The following DCAF11 variants were observed in gnomAD, a reference collection of about 807,000 sequenced individuals.
DCAF11 encodes DDB1- and CUL4-associated factor 11.
DCAF11 carries 44 observed loss-of-function variants against 76.1 expected under a neutral mutation model. The observed-to-expected ratio is 0.58, with a 90% CI of 0.45 to 0.74. The LOEUF (loss-of-function observed/expected upper bound fraction) is 0.74. Among genes scored for constraint, DCAF11 ranks in the 30% least tolerant of loss-of-function variants. The pLI, the probability that DCAF11 is intolerant of heterozygous loss-of-function variation, is 0.00. For missense variants in DCAF11, 604 were observed against 709.4 expected (o/e 0.85, Z 1.69); for synonymous variants, 258 against 255.0 (o/e 1.01, Z -0.11).
Position 24,117,526 on chromosome 14 carries a change from C to A in DCAF11, c.411+133C>A. The A allele has an allele frequency of 6.5e-7, 1 of 1,527,094 alleles. No homozygotes were observed. Among genetic ancestry groups the A allele is most frequent in the Admixed American group, 2.0e-5 (1 of 50,608 alleles). The allele number at this position is 1,527,094 out of a possible 1,614,324, so 94.6% of individuals were successfully genotyped here. On this transcript the variant is annotated intron_variant, in intron 4 of 14. Transcript: ENST00000446197. This position sits in a 1 kb window ranked among gnomAD's most constrained non-coding sequence, Gnocchi z 4.3. ...CGCTGGGGCTGGAGAGTTAACCAGC[C>A]TCCATCGGAGTTCTGTGGGACAGAC...
At position 24,119,678 on chromosome 14, in the gene DCAF11, G is replaced by T. The variant is rs112450292; in HGVS notation, c.907-33G>T. ...TTTGGCTTTTTATAAGACCTAGAAAGAGGTCTTATATCCTGGCCTCCTTTT... is the reference window on the plus strand; with the variant it reads ...TTTGGCTTTTTATAAGACCTAGAAATAGGTCTTATATCCTGGCCTCCTTTT... On this transcript the variant is annotated intron_variant, in intron 10 of 14. Coordinates refer to ENST00000446197, the MANE Select transcript of DCAF11 (RefSeq NM_025230.5). 12 of 1,614,126 alleles carry T rather than the reference G, an allele frequency of 7.4e-6. No homozygotes were observed. In the African/African-American group the frequency reaches 1.6e-4, roughly 22 times the overall value.
Position 24,115,735 on chromosome 14 carries a change from C to T in DCAF11, c.141C>T (p.Ala47=), listed in dbSNP as rs1594331941. 3.7e-6 allele frequency: 6 copies of T among 1,613,080 alleles called. No individual in the cohort carries two copies. In the East Asian group the frequency reaches 1.3e-4, roughly 36 times the overall value. ...ATGTGGATCTGGCCCAGGTACTGGCCTATCTCCTCCGCAGGTAACTTACCC... is the reference window on the plus strand; with the variant it reads ...ATGTGGATCTGGCCCAGGTACTGGCTTATCTCCTCCGCAGGTAACTTACCC... ...DEDVDLAQVL[A]YLLRRGQVRL... The change falls in exon 2 of 15, where the codon GCC becomes GCT. Residue 47 remains alanine, a synonymous_variant. Coordinates refer to ENST00000446197, the MANE Select transcript of DCAF11 (RefSeq NM_025230.5).
At chr14:24,116,855 C>T (rs1464554555) in intron 2 of DCAF11, 62 bp from the exon 3 acceptor site, 4 of 1,610,130 alleles carry the variant, frequency 2.5e-6, no homozygotes, top group East Asian at 2.2e-5. Context: ...TAGCCATTGA[C>T]TCTGAATTTG....
Position 24,114,873 on chromosome 14 carries a change from C to G in DCAF11, c.-634C>G, listed in dbSNP as rs923182996. ...GGTTGGCCAACGCAGTGGCGGCAGT[C>G]GGTGTAAACAAGGCCTCGCGCCGCT... On this transcript the variant is annotated 5_prime_UTR_variant, in exon 1 of 15. Transcript: ENST00000446197. The G allele has an allele frequency of 2.6e-5, 26 of 985,814 alleles. No homozygotes were observed. The African/African-American group carries it at 4.5e-4, about 17-fold the overall frequency. 61.1% of individuals were successfully genotyped at this position (985,814 alleles called of 1,614,324 possible). A position where few individuals can be genotyped will look rare whatever the true frequency, so the allele number is the denominator to read the frequency against.
At chr14:24,120,430 G>T (rs759649126) in intron 11 of DCAF11, among the ~76,000 whole-genome samples, 1 of 151,938 alleles carries the variant, frequency 6.6e-6, no homozygotes, top group African/African-American at 2.4e-5. Context: ...GGTGGCAGTC[G>T]CCTGTAGTCC....
chr14:24,118,656 G>C (rs1331899086), intron 7 of DCAF11, 94 bp from the exon 8 acceptor site: 1 of 1,596,576 alleles, frequency 6.3e-7, no homozygotes, highest in East Asian at 2.2e-5. Context: ...AAGTGCTCCA[G>C]TACCCTTGTC....
Position 24,117,803 on chromosome 14 carries a change from G to A in DCAF11, c.476+71G>A. 1 of 1,477,496 alleles carries A rather than the reference G, an allele frequency of 6.8e-7. No homozygotes were observed. Among genetic ancestry groups the A allele is most frequent in the Non-Finnish European group, 9.3e-7 (1 of 1,072,572 alleles). The allele number at this position is 1,477,496 out of a possible 1,614,324, so 91.5% of individuals were successfully genotyped here. ...TTATCTCCTAAACTTTGAAGGGGTA[G>A]GTGTTAAAGGAGCCTCAGAGATATT... On this transcript the variant is annotated intron_variant, in intron 5 of 14. Transcript: ENST00000446197. The surrounding 1 kb of genome is among the most constrained non-coding windows in gnomAD (Gnocchi z 4.3).
chr14:24,119,704 C>T lies in DCAF11; in HGVS notation c.907-7C>T, dbSNP rs745958294. ...AGGTCTTATATCCTGGCCTCCTTTTCGCCTAGATTGAGTCCCATGAGGATG... is the reference window on the plus strand; with the variant it reads ...AGGTCTTATATCCTGGCCTCCTTTTTGCCTAGATTGAGTCCCATGAGGATG... On this transcript the variant is annotated splice_polypyrimidine_tract_variant and splice_region_variant and intron_variant, in intron 10 of 14. Coordinates refer to ENST00000446197, the MANE Select transcript of DCAF11 (RefSeq NM_025230.5). The T allele has an allele frequency of 6.2e-6, 10 of 1,614,032 alleles. No homozygotes were observed. The highest frequency in any genetic ancestry group is 5.5e-5 in the South Asian group (5 of 91,084).
chr14:24,115,570 G>A lies in DCAF11; in HGVS notation c.-25G>A. On this transcript the variant is annotated 5_prime_UTR_variant, in exon 2 of 15. Transcript: ENST00000446197. ...GGTGACAGGAGGAGCCCCCGCACAG[G>A]ACCTAAGAATGCTGTGACCAGAAGA... 1 of 1,601,572 alleles carries A rather than the reference G, an allele frequency of 6.2e-7. No homozygotes were observed. Among genetic ancestry groups the A allele is most frequent in the Non-Finnish European group, 8.5e-7 (1 of 1,173,694 alleles).
chr14:24,118,219 G>A, intron 6 of DCAF11, 64 bp downstream of exon 6: 1 of 1,570,930 alleles, frequency 6.4e-7, no homozygotes, highest in South Asian at 1.1e-5. Flanking sequence ...CCTGACTGAG[G>A]CTAGAAAGCC....
chr14:24,121,374 A>G lies in DCAF11; in HGVS notation c.1256A>G (p.Lys419Arg). The change falls in exon 13 of 15, where the codon AAG becomes AGG. Residue 419 changes from lysine (K) to arginine (R), a missense_variant. Lys to Arg is a conservative substitution (Grantham distance 26). Transcript: ENST00000446197. ...CTGCATCCCTACCCAGCCTGGCGGA[A>G]GCTGAAGCTCCCAGGGGACAGCTCC... ...WQQVPKKAWR[K>R]LKLPGDSSLM... 6.2e-7 allele frequency: 1 copy of G among 1,614,178 alleles called. No homozygotes were observed. Among genetic ancestry groups the G allele is most frequent in the South Asian group, 1.1e-5 (1 of 91,088 alleles).
In DCAF11 at chr14:24,118,143, T is replaced by C; in HGVS notation, c.565T>C (p.Ser189Pro). The change falls in exon 6 of 15, where the codon TCT (serine) becomes CCT (proline). Residue 189 changes from serine to proline, a missense_variant. Coordinates refer to ENST00000446197, the MANE Select transcript of DCAF11 (RefSeq NM_025230.5). ...IYSKDGQIFM[S>P]ACQDQTIRLY... is the part of the protein sequence containing the mutation. ...CAGCAAAGATGGTCAAATATTCATG[T>C]CTGCTTGCCAAGGTACCAGACCCTG... 1 of 1,612,758 alleles carries C rather than the reference T, an allele frequency of 6.2e-7. No individual in the cohort carries two copies. The highest frequency in any genetic ancestry group is 8.5e-7 in the Non-Finnish European group (1 of 1,179,392).
chr14:24,120,226 A>C (rs986089050), intron 11 of DCAF11, among the ~76,000 whole-genome samples: 2 of 151,890 alleles, frequency 1.3e-5, no homozygotes, highest in African/African-American at 4.8e-5. Context: ...AAACCTAGCG[A>C]GACCTCATCT....
In DCAF11 at chr14:24,117,405, C is replaced by T. The variant is rs745350111; in HGVS notation, c.411+12C>T. 58 of 1,613,768 alleles carry T rather than the reference C, an allele frequency of 3.6e-5. No individual in the cohort carries two copies. The highest frequency in any genetic ancestry group is 4.6e-5 in the Non-Finnish European group (54 of 1,179,798). On this transcript the variant is annotated intron_variant, in intron 4 of 14. Coordinates refer to ENST00000446197, the MANE Select transcript of DCAF11 (RefSeq NM_025230.5). This position sits in a 1 kb window ranked among gnomAD's most constrained non-coding sequence, Gnocchi z 4.3. ...GAATGTTGCACCAGGTAGGCCTCTC[C>T]ACCTCCCAGCCTGGCAGCAGGCCTG...
chr14:24,117,944 C>A lies in DCAF11; in HGVS notation c.477-111C>A. 1.1e-6 allele frequency: 1 copy of A among 938,072 alleles called. No individual in the cohort carries two copies. The highest frequency in any genetic ancestry group is 1.6e-6 in the Non-Finnish European group (1 of 609,320). 58.1% of individuals were successfully genotyped at this position (938,072 alleles called of 1,614,324 possible). ...TTGAAAGACGGGATTGCACTCACAG[C>A]CAAAAGGGAAGAATGACTGTTCTGA... On this transcript the variant is annotated intron_variant, in intron 5 of 14. Coordinates refer to ENST00000446197, the MANE Select transcript of DCAF11 (RefSeq NM_025230.5). This position sits in a 1 kb window ranked among gnomAD's most constrained non-coding sequence, Gnocchi z 4.3.
chr14:24,121,731 T>C lies in DCAF11; in HGVS notation c.1399+214T>C, dbSNP rs865990221. On this transcript the variant is annotated intron_variant, in intron 13 of 14. Coordinates refer to ENST00000446197, the MANE Select transcript of DCAF11 (RefSeq NM_025230.5). ...AACATAGAATTCTAGACAGTAAATA[T>C]AATAGATTGCCAAAAATATAGTTGG... 4 of 543,036 alleles carry C rather than the reference T, an allele frequency of 7.4e-6. No homozygotes were observed. The Middle Eastern group carries it at 1.5e-3, about 201-fold the overall frequency. The allele number at this position is 543,036 out of a possible 1,614,324, so 33.6% of individuals were successfully genotyped here. A position where few individuals can be genotyped will look rare whatever the true frequency, so the allele number is the denominator to read the frequency against.
Position 24,123,478 on chromosome 14 carries a change from C to A in DCAF11, c.*169C>A. 1 of 1,107,316 alleles carries A rather than the reference C, an allele frequency of 9.0e-7. No homozygotes were observed. Among genetic ancestry groups the A allele is most frequent in the Non-Finnish European group, 1.2e-6 (1 of 834,026 alleles). The allele number at this position is 1,107,316 out of a possible 1,614,324, so 68.6% of individuals were successfully genotyped here. A position where few individuals can be genotyped will look rare whatever the true frequency, so the allele number is the denominator to read the frequency against. On this transcript the variant is annotated 3_prime_UTR_variant, in exon 15 of 15. Coordinates refer to ENST00000446197, the MANE Select transcript of DCAF11 (RefSeq NM_025230.5). ...GCCCTGGAAGATTCTCCCCATGGGG[C>A]AGAGTGGTCTCCTTACGTGCTCACA...
intron 8 of DCAF11, 36 bp downstream of exon 8, chr14:24,118,840 A>G (rs779993037): frequency 8.3e-5 from 134 of 1,610,428 alleles, no homozygotes; most frequent in Non-Finnish European, 1.0e-4. Flanking sequence ...CTCATCAGAA[A>G]CTTCTCAAGG....
chr14:24,115,090 C>G lies in DCAF11; in HGVS notation c.-417C>G. On this transcript the variant is annotated 5_prime_UTR_variant, in exon 1 of 15. Coordinates refer to ENST00000446197, the MANE Select transcript of DCAF11 (RefSeq NM_025230.5). ...TTTCATTGGCTGTCACTGCTGCCGG[C>G]CTTTGTAAGGGGGCGCTCTGATTGG... is the stretch of plus-strand genomic sequence containing the variant. The G allele has an allele frequency of 3.3e-6, 3 of 917,462 alleles. No individual in the cohort carries two copies. Among genetic ancestry groups the G allele is most frequent in the Non-Finnish European group, 3.9e-6 (3 of 767,550 alleles). The allele number at this position is 917,462 out of a possible 1,614,324, so 56.8% of individuals were successfully genotyped here. A position where few individuals can be genotyped will look rare whatever the true frequency, so the allele number is the denominator to read the frequency against.
Sources: allele counts gnomAD v4.1 joint callset (sites outside exome capture counted in the v4.1 genomes callset), GRCh38; gene constraint gnomAD v4.1.1; non-coding constraint Gnocchi (gnomAD v3.1); transcripts MANE v1.5; gene names NCBI Gene and HGNC (gene_info 2026-07-23, HGNC 2026-07-21).